The following ZNF609 variants were observed in gnomAD, a reference collection of about 807,000 sequenced individuals.
The protein encoded by ZNF609 is zinc finger protein 609.
In ZNF609, 11 loss-of-function variants were observed where a neutral mutation model predicts 109.5. The ratio of observed to expected loss-of-function variants is 0.10; its 90% CI spans 0.06 to 0.17. ZNF609 has a LOEUF of 0.17. Among genes scored for constraint, ZNF609 ranks in the 10% least tolerant of loss-of-function variants. ZNF609 has a pLI of 1.00. For synonymous variants in ZNF609, 646 were observed against 662.0 expected (o/e 0.98, Z 0.37); for missense variants, 1,559 against 1,772.4 (o/e 0.88, Z 2.16).
intron 3 of ZNF609, among the ~76,000 whole-genome samples, chr15:64,655,393 G>A (rs1293777027): frequency 6.6e-6 from 1 of 151,966 alleles, no homozygotes; most frequent in African/African-American, 2.4e-5. Context: ...CCAAGATCGT[G>A]CCATTGCACT....
chr15:64,631,113 G>C, intron 3 of ZNF609: 1 of 520,652 alleles, frequency 1.9e-6, no homozygotes, highest in South Asian at 1.7e-5. Flanking sequence ...CACCCATTAT[G>C]CTGTGAATTT....
intron 2 of ZNF609, among the ~76,000 whole-genome samples, chr15:64,528,234 A>G (rs1893999360): frequency 6.6e-6 from 1 of 151,714 alleles, no homozygotes; most frequent in South Asian, 2.1e-4. Context: ...AGTAGGTGGG[A>G]CTACAGGTGC....
At chr15:64,536,252 A>C (rs112752725) in intron 2 of ZNF609, among the ~76,000 whole-genome samples, 4,587 of 152,144 alleles carry the variant, frequency 0.03, 245 homozygotes, top group African/African-American at 0.1. Context: ...TAACTCCTGG[A>C]CTGCAGTGAC....
chr15:64,610,865 A>G (rs1334464114), intron 2 of ZNF609, among the ~76,000 whole-genome samples: 1 of 152,116 alleles, frequency 6.6e-6, no homozygotes, highest in Non-Finnish European at 1.5e-5. Context: ...CAGCCACGTT[A>G]TAGGTTAAAT....
At chr15:64,664,307 T>C (rs1896617945) in intron 3 of ZNF609, among the ~76,000 whole-genome samples, 1 of 152,134 alleles carries the variant, frequency 6.6e-6, no homozygotes, top group Non-Finnish European at 1.5e-5. Context: ...TCTGCTCCAA[T>C]ATTTATCACC....
chr15:64,628,090 T>C (rs1228861995), intron 3 of ZNF609, among the ~76,000 whole-genome samples: 1 of 150,990 alleles, frequency 6.6e-6, no homozygotes, highest in East Asian at 2.0e-4. Context: ...CTGGGCAACA[T>C]AGCAAGACCC....
chr15:64,623,429 T>C (rs1335362768), intron 3 of ZNF609, among the ~76,000 whole-genome samples: 4 of 152,192 alleles, frequency 2.6e-5, no homozygotes, highest in African/African-American at 9.6e-5. Flanking sequence ...GTCAAGAGGA[T>C]GGAGAATAGT....
intron 3 of ZNF609, among the ~76,000 whole-genome samples, chr15:64,637,475 T>C (rs1896193106): frequency 6.6e-6 from 1 of 152,216 alleles, no homozygotes; most frequent in South Asian, 2.1e-4. Flanking sequence ...TTTCCCAAAA[T>C]GTGTAAACCA....
chr15:64,529,173 G>T, intron 2 of ZNF609: 2 of 739,856 alleles, frequency 2.7e-6, no homozygotes, highest in Admixed American at 1.8e-5. Context: ...TACCAAAGTT[G>T]TCATGGATGA....
chr15:64,680,103 A>T, intron 6 of ZNF609, 82 bp from the exon 7 acceptor site: 4 of 1,465,012 alleles, frequency 2.7e-6, no homozygotes, highest in East Asian at 2.3e-5. Flanking sequence ...AGGAAAGCTG[A>T]TGCCCACCCA....
At chr15:64,641,342 C>T (rs755264604) in intron 3 of ZNF609, among the ~76,000 whole-genome samples, 1 of 150,650 alleles carries the variant, frequency 6.6e-6, no homozygotes, top group South Asian at 2.1e-4. Flanking sequence ...TTCAGTCTCC[C>T]GAGTAGCTGG....
chr15:64,551,482 G>A (rs372074523), intron 2 of ZNF609, among the ~76,000 whole-genome samples: 1 of 151,944 alleles, frequency 6.6e-6, no homozygotes, highest in East Asian at 1.9e-4. Flanking sequence ...GAGACACCCC[G>A]TCTCTACTAA....
intron 2 of ZNF609, chr15:64,501,317 A>G (rs1371262383): frequency 1.3e-5 from 2 of 152,250 alleles, no homozygotes; most frequent in African/African-American, 2.4e-5. Context: ...GTGGTAGCTC[A>G]TGCTTTCTTT....
chr15:64,576,883 C>CAT (rs1894963241), intron 2 of ZNF609, among the ~76,000 whole-genome samples: 2 of 132,900 alleles, frequency 1.5e-5, no homozygotes, highest in Non-Finnish European at 3.1e-5. Context: ...CATATATATA[C>CAT]ACATATAAAT....
At chr15:64,636,861 T>A (rs1480385486) in intron 3 of ZNF609, among the ~76,000 whole-genome samples, 1 of 152,226 alleles carries the variant, frequency 6.6e-6, no homozygotes, top group Non-Finnish European at 1.5e-5. Context: ...CAGCCACTTG[T>A]CTACAGGAGT....
chr15:64,631,116 G>A (rs776473631), intron 3 of ZNF609: 39 of 528,382 alleles, frequency 7.4e-5, no homozygotes, highest in Admixed American at 9.7e-5. Context: ...CCATTATGCT[G>A]TGAATTTGTA....
chr15:64,668,043 C>T lies in ZNF609; in HGVS notation c.974-2303C>T, dbSNP rs181702304. 1.2e-3 allele frequency among the ~76,000 whole-genome samples: 179 copies of T among 152,280 alleles called. 1 individual carries two copies. Among genetic ancestry groups the T allele is most frequent in the South Asian group, 1.7e-3 (8 of 4,814 alleles). The stretch of plus-strand genomic sequence containing the variant: ...TGTGATATCCTAAATTTCACTGTGG[C>T]ATAGGCCATTTGAAGACCTGTTGTA... On this transcript the variant is annotated intron_variant, in intron 3 of 9. Coordinates refer to ENST00000326648, the MANE Select transcript of ZNF609 (RefSeq NM_015042.2).
chr15:64,500,696 C>A, intron 2 of ZNF609: 1 of 467,220 alleles, frequency 2.1e-6, no homozygotes, highest in Non-Finnish European at 3.8e-6. Context: ...TACCAAAGAG[C>A]GAAGGGGCAC....
At chr15:64,517,844 A>G (rs1411753245) in intron 2 of ZNF609, among the ~76,000 whole-genome samples, 4 of 152,148 alleles carry the variant, frequency 2.6e-5, no homozygotes, top group South Asian at 2.1e-4. Context: ...CAGTGGCACA[A>G]TCTTGGCCCA....
Sources: allele counts gnomAD v4.1 joint callset (sites outside exome capture counted in the v4.1 genomes callset), GRCh38; gene constraint gnomAD v4.1.1; transcripts MANE v1.5; gene names NCBI Gene and HGNC (gene_info 2026-07-23, HGNC 2026-07-21).